AGRN: variants seen among roughly 807,000 people sequenced by gnomAD.
AGRN encodes the protein agrin, also known as agrin proteoglycan.
Under a neutral mutation model 211.0 loss-of-function variants are expected in AGRN, and 106 were observed. The ratio of observed to expected loss-of-function variants is 0.50; its 90% CI spans 0.43 to 0.59. The LOEUF is 0.59. Among genes scored for constraint, AGRN ranks in the 20% least tolerant of loss-of-function variants. The probability of loss-of-function intolerance (pLI) is 0.00; values close to 1 mark genes in which losing one functional copy is unlikely to be tolerated. For synonymous variants in AGRN, 1,525 were observed against 1,332.5 expected (o/e 1.14, Z -3.15); for missense variants, 3,040 against 2,982.6 (o/e 1.02, Z -0.45).
rs1644362377 is a variant in AGRN at position 1,020,145 on chromosome 1, C to T, written c.-28C>T. 1.6e-6 allele frequency: 2 copies of T among 1,214,214 alleles called. No individual in the cohort carries two copies. The highest frequency in any genetic ancestry group is 2.2e-5 in the South Asian group (1 of 45,982). The allele number at this position is 1,214,214 out of a possible 1,614,324, so 75.2% of individuals were successfully genotyped here. A position where few individuals can be genotyped will look rare whatever the true frequency, so the allele number is the denominator to read the frequency against. ...AGTCCCGTCCCCGGCGCGGCCCGCG[C>T]GCTCCTCCGCCGCCTCTCGCCTGCG... On this transcript the variant is annotated 5_prime_UTR_variant, in exon 1 of 36. Coordinates refer to ENST00000379370, the MANE Select transcript of AGRN (RefSeq NM_198576.4).
In AGRN at chr1:1,045,227, G is replaced by A; in HGVS notation, c.2321G>A (p.Cys774Tyr). Reference protein sequence around the residue: ...LHCAQTPYGCCQDNITAARGV... With the variant: ...LHCAQTPYGCYQDNITAARGV... Reference sequence around the variant, plus strand: ...TGTGCCCAGACGCCCTACGGCTGCTGCCAGGACAATATCACCGCAGCCCGG... The same window carrying A: ...TGTGCCCAGACGCCCTACGGCTGCTACCAGGACAATATCACCGCAGCCCGG... The change falls in exon 13 of 36, where the codon TGC (cysteine) becomes TAC (tyrosine). Residue 774 changes from cysteine to tyrosine, a missense_variant. Physicochemically the swap from Cys to Tyr is radical, Grantham distance 194. Transcript: ENST00000379370. 1 of 1,612,432 alleles carries A rather than the reference G, an allele frequency of 6.2e-7. No homozygotes were observed. Among genetic ancestry groups the A allele is most frequent in the Non-Finnish European group, 8.5e-7 (1 of 1,179,846 alleles).
At position 1,046,857 on chromosome 1, in the gene AGRN, TG is replaced by T. The variant is rs767759507; in HGVS notation, c.3291del (p.Pro1098HisfsTer140). 1 of 1,586,876 alleles carries T rather than the reference TG, an allele frequency of 6.3e-7. No homozygotes were observed. Among genetic ancestry groups the T allele is most frequent in the Non-Finnish European group, 8.6e-7 (1 of 1,168,738 alleles). On this transcript the variant is annotated frameshift_variant, in exon 19 of 36. Transcript: ENST00000379370. LOFTEE classifies it high-confidence loss of function. ...TGGAGGGCAGCAGCGTGGCCACCCC[TG>T]GGCCACCTGTCGAGAGGGCTTCCTG... The part of the protein sequence containing the change: ...PLEGSSVATP[G>X]PPVERASCYN...
chr1:1,023,768 T>A (rs895087156), intron 2 of AGRN, among the ~76,000 whole-genome samples: 3 of 152,080 alleles, frequency 2.0e-5, no homozygotes, highest in African/African-American at 7.2e-5. Context: ...AGGCTCTGCA[T>A]CTTACCGAAG....
Position 1,055,183 on chromosome 1 carries a change from T to C in AGRN, c.*202T>C. On this transcript the variant is annotated 3_prime_UTR_variant, in exon 36 of 36. Coordinates refer to ENST00000379370, the MANE Select transcript of AGRN (RefSeq NM_198576.4). ...GGCAGCGTGGAGGGCTCGGCGTGGA[T>C]GGCAGCCTCAGGACACACACCCCTG... 1 of 814,900 alleles carries C rather than the reference T, an allele frequency of 1.2e-6. No homozygotes were observed. Among genetic ancestry groups the C allele is most frequent in the Non-Finnish European group, 1.9e-6 (1 of 513,432 alleles). 50.5% of individuals were successfully genotyped at this position (814,900 alleles called of 1,614,324 possible).
intron 2 of AGRN, among the ~76,000 whole-genome samples, chr1:1,028,320 G>GCCCCCC (rs77046272): frequency 9.5e-6 from 1 of 105,092 alleles, no homozygotes; most frequent in African/African-American, 4.1e-5. Context: ...GTGGGGAAAC[G>GCCCCCC]CCCCCCCCCC....
At chr1:1,034,156 C>A in intron 2 of AGRN, 3 of 985,314 alleles carry the variant, frequency 3.0e-6, no homozygotes, top group South Asian at 4.7e-5. Context: ...GGACAGCAGA[C>A]CCTCGGCGCC....
intron 2 of AGRN, among the ~76,000 whole-genome samples, chr1:1,028,464 G>A (rs1644571394): frequency 6.6e-6 from 1 of 152,120 alleles, no homozygotes; most frequent in African/African-American, 2.4e-5. Context: ...GAGCCTGTGT[G>A]CGGTGCATGG....
intron 2 of AGRN, chr1:1,034,940 G>T (rs559269544): frequency 2.7e-5 from 12 of 448,316 alleles, no homozygotes; most frequent in South Asian, 2.2e-4. Flanking sequence ...AGGGGCAGCC[G>T]GCTACACTGA....
At chr1:1,029,862 C>CGTGT (rs1159815076) in intron 2 of AGRN, among the ~76,000 whole-genome samples, 2 of 50,982 alleles carry the variant, frequency 3.9e-5, no homozygotes, top group Admixed American at 2.2e-4. Flanking sequence ...GTGAGATCAG[C>CGTGT]ATGTGTGTGT....
At chr1:1,047,163 G>A in intron 19 of AGRN, 164 bp from the exon 20 acceptor site, 1 of 1,361,618 alleles carries the variant, frequency 7.3e-7, no homozygotes, top group East Asian at 2.5e-5. Context: ...AGTCCTCCTG[G>A]TAACCGACAC....
intron 2 of AGRN, among the ~76,000 whole-genome samples, chr1:1,027,165 G>A (rs541022657): frequency 5.3e-4 from 81 of 152,376 alleles, no homozygotes; most frequent in Middle Eastern, 3.4e-3. Context: ...GAGCAGAGGC[G>A]TGGGAGAAGG....
Position 1,043,271 on chromosome 1 carries a change from T to C in AGRN, c.1417T>C (p.Cys473Arg). Reference sequence around the variant, plus strand: ...CCCGTCCCCATGCCTCGGGGTGCAGTGTGCATTTGGGGCGACGTGTGCTGT... The same window carrying C: ...CCCGTCCCCATGCCTCGGGGTGCAGCGTGCATTTGGGGCGACGTGTGCTGT... ...QAPSPCLGVQCAFGATCAVKN... is the reference protein window; with the variant it reads ...QAPSPCLGVQRAFGATCAVKN... Residue 473 changes from cysteine to arginine, a missense_variant, in exon 8 of 36, where the codon TGT becomes CGT. By Grantham distance (180) the Cys-to-Arg change is radical. Around this residue, in one of 3 missense-constraint regions of AGRN, gnomAD observed 1,498 missense variants for 1,457.8 expected, o/e 1.03. Coordinates refer to ENST00000379370, the MANE Select transcript of AGRN (RefSeq NM_198576.4). 5 of 1,611,102 alleles carry C rather than the reference T, an allele frequency of 3.1e-6. No individual in the cohort carries two copies. Among genetic ancestry groups the C allele is most frequent in the Non-Finnish European group, 4.2e-6 (5 of 1,179,340 alleles).
chr1:1,047,096 A>T (rs1270745775), intron 19 of AGRN, 139 bp downstream of exon 19: 3 of 1,424,816 alleles, frequency 2.1e-6, no homozygotes, highest in African/African-American at 2.8e-5. Context: ...CGTGCCGGGG[A>T]CCCCACGCCT....
Position 1,045,488 on chromosome 1 carries a change from G to T in AGRN, c.2501G>T (p.Arg834Leu). The T allele has an allele frequency of 6.2e-7, 1 of 1,612,966 alleles. No homozygotes were observed. The highest frequency in any genetic ancestry group is 8.5e-7 in the Non-Finnish European group (1 of 1,179,962). ...DRCEPGFWNFRGIVTDGRSGC... is the reference protein window; with the variant it reads ...DRCEPGFWNFLGIVTDGRSGC... ...TGTGAGCCTGGCTTCTGGAACTTTC[G>T]AGGCATCGTCACCGATGGCCGGAGT... The change falls in exon 14 of 36, where the codon CGA (arginine) becomes CTA (leucine). Residue 834 changes from arginine (R) to leucine (L), a missense_variant. Arg to Leu is a moderately radical substitution (Grantham distance 102). Around this residue, in one of 3 missense-constraint regions of AGRN, gnomAD observed 1,498 missense variants for 1,457.8 expected, o/e 1.03. Transcript: ENST00000379370.
rs752280977 is a variant in AGRN, at chr1:1,049,695, C to T, written c.4644C>T (p.Cys1548=). 40 of 1,573,708 alleles carry T rather than the reference C, an allele frequency of 2.5e-5. No individual in the cohort carries two copies. The highest frequency in any genetic ancestry group is 1.7e-4 in the Middle Eastern group (1 of 6,002). Residue 1548 remains cysteine (C), a synonymous_variant, in exon 26 of 36, where the codon TGC becomes TGT. Coordinates refer to ENST00000379370, the MANE Select transcript of AGRN (RefSeq NM_198576.4). ...CCCGAGGCTCTGGCGTGGGCGAGTG[C>T]GGGGACCACCCCTGCCTGCCCAACC... The part of the protein sequence containing the change: ...AATRGSGVGE[C]GDHPCLPNPC...
chr1:1,049,785 C>A lies in AGRN; in HGVS notation c.4734C>A (p.Pro1578=), dbSNP rs186574226. ...EAGRFHCQCP[P]GRVGPTCADE... is the part of the protein sequence containing the mutation. ...GAAGGTTCCATTGCCAGTGCCCGCCCGGCCGCGTCGGTGAGGGTGGGGCCG... is the reference window on the plus strand; with the variant it reads ...GAAGGTTCCATTGCCAGTGCCCGCCAGGCCGCGTCGGTGAGGGTGGGGCCG... Residue 1578 remains proline, a synonymous_variant, in exon 26 of 36, where the codon CCC becomes CCA. Transcript: ENST00000379370. The A allele has an allele frequency of 1.9e-6, 3 of 1,594,448 alleles. No individual in the cohort carries two copies. Among genetic ancestry groups the A allele is most frequent in the East Asian group, 2.3e-5 (1 of 44,048 alleles).
At chr1:1,021,750 C>G (rs1193835082) in intron 1 of AGRN, among the ~76,000 whole-genome samples, 2 of 152,252 alleles carry the variant, frequency 1.3e-5, no homozygotes, top group African/African-American at 4.8e-5. Context: ...GAGGAAGGGG[C>G]GTCTCAGCCC....
Position 1,045,359 on chromosome 1 carries a change from G to A in AGRN, c.2372G>A (p.Ser791Asn). The change falls in exon 14 of 36, where the codon AGT becomes AAT. Residue 791 changes from serine to asparagine, a missense_variant and splice_region_variant. This residue lies in a region of AGRN where 1,498 missense variants were observed against 1,457.8 expected (regional missense o/e 1.03). Coordinates refer to ENST00000379370, the MANE Select transcript of AGRN (RefSeq NM_198576.4). ...ACCTTGTCCTGCCCTGGCCTTTCAG[G>A]TGCCTGCCAGTGCAACCCCCATGGC... ...ARGVGLAGCPSACQCNPHGSY... is the reference protein window; with the variant it reads ...ARGVGLAGCPNACQCNPHGSY... 6.2e-7 allele frequency: 1 copy of A among 1,611,640 alleles called. No individual in the cohort carries two copies. The highest frequency in any genetic ancestry group is 8.5e-7 in the Non-Finnish European group (1 of 1,179,942).
Position 1,055,344 on chromosome 1 carries a change from C to T in AGRN, c.*363C>T, listed in dbSNP as rs1645425723. The T allele has an allele frequency of 2.7e-6, 1 of 374,224 alleles. No individual in the cohort carries two copies. Among genetic ancestry groups the T allele is most frequent in the Admixed American group, 3.8e-5 (1 of 26,508 alleles). 23.2% of individuals were successfully genotyped at this position (374,224 alleles called of 1,614,324 possible). On this transcript the variant is annotated 3_prime_UTR_variant, in exon 36 of 36. Coordinates refer to ENST00000379370, the MANE Select transcript of AGRN (RefSeq NM_198576.4). The stretch of plus-strand genomic sequence containing the variant: ...CCAGAGAGGAAGGGGCTGCTGAGGT[C>T]TGATGGGGCCCTTCCTCCGGGTGAC...
Sources: allele counts gnomAD v4.1 joint callset (sites outside exome capture counted in the v4.1 genomes callset), GRCh38; gene constraint gnomAD v4.1.1; regional missense constraint gnomAD v4.1.1; transcripts MANE v1.5; gene names NCBI Gene and HGNC (gene_info 2026-07-23, HGNC 2026-07-21).